The following IFI16 variants were observed in gnomAD, a reference collection of about 807,000 sequenced individuals.
IFI16 encodes gamma-interferon-inducible protein 16.
Under a neutral mutation model 68.4 loss-of-function variants are expected in IFI16, and 49 were observed. The observed-to-expected ratio is 0.72, with a 90% CI of 0.57 to 0.91. IFI16 has a LOEUF of 0.91. Among genes scored for constraint, IFI16 ranks in the 40% least tolerant of loss-of-function variants. IFI16 has a pLI of 0.00. For synonymous variants in IFI16, 307 were observed against 315.0 expected, an observed-to-expected ratio of 0.97 and a Z score of 0.27; for missense variants, 878 against 942.9, an observed-to-expected ratio of 0.93 and a Z score of 0.90.
At position 159,053,577 on chromosome 1, in the gene IFI16, T is replaced by C; in HGVS notation, c.2130T>C (p.Asn710=). Residue 710 remains asparagine, a synonymous_variant, in exon 11 of 12, where the codon AAT becomes AAC. Coordinates refer to ENST00000295809, the MANE Select transcript of IFI16 (RefSeq NM_001376587.1). Reference sequence around the variant, plus strand: ...TCACTTATTATGAAATACAAGATAATACAGGGAAGATGGAAGTGGTGGTGC... The same window carrying C: ...TCACTTATTATGAAATACAAGATAACACAGGGAAGATGGAAGTGGTGGTGC... ...GEFTYYEIQD[N]TGKMEVVVHG... is the part of the protein sequence containing the mutation. 3 of 1,613,354 alleles carry C rather than the reference T, an allele frequency of 1.9e-6. No individual in the cohort carries two copies. The highest frequency in any genetic ancestry group is 1.7e-5 in the Admixed American group (1 of 60,006).
At chr1:159,053,797 G>C (rs1363889880) in intron 11 of IFI16, 73 bp downstream of exon 11, 1 of 1,157,502 alleles carries the variant, frequency 8.6e-7, no homozygotes, top group Non-Finnish European at 1.3e-6. Context: ...AGACTAGACT[G>C]CTACTATTAC....
chr1:159,015,572 C>A (rs1413416942), intron 2 of IFI16: 1 of 214,800 alleles, frequency 4.7e-6, no homozygotes, highest in Non-Finnish European at 9.3e-6. Flanking sequence ...CGGAGAACCG[C>A]ATTGGGAAAG....
At chr1:159,045,867 C>T (rs1379885547) in intron 8 of IFI16, among the ~76,000 whole-genome samples, 1 of 151,038 alleles carries the variant, frequency 6.6e-6, no homozygotes, top group Admixed American at 6.6e-5. Flanking sequence ...AAAGAAGGTA[C>T]ATAAGCAAAA....
chr1:159,038,357 A>G (rs1039988024), intron 7 of IFI16, among the ~76,000 whole-genome samples: 5 of 152,076 alleles, frequency 3.3e-5, no homozygotes, highest in Non-Finnish European at 5.9e-5. Context: ...AGAGAAATAT[A>G]TTTTATAGAC....
chr1:159,051,586 G>A, intron 9 of IFI16, 93 bp from the exon 10 acceptor site: 1 of 950,870 alleles, frequency 1.1e-6, no homozygotes, highest in Non-Finnish European at 1.6e-6. Context: ...TGATACTTGA[G>A]GACCAACACT....
At chr1:159,034,149 G>T (rs1185172187) in intron 7 of IFI16, among the ~76,000 whole-genome samples, 1 of 152,208 alleles carries the variant, frequency 6.6e-6, no homozygotes, top group Non-Finnish European at 1.5e-5. Flanking sequence ...ATCTGGAATT[G>T]TGGATTTTAA....
chr1:159,033,903 C>T (rs1654162227), intron 7 of IFI16, among the ~76,000 whole-genome samples: 1 of 152,102 alleles, frequency 6.6e-6, no homozygotes, highest in Non-Finnish European at 1.5e-5. Flanking sequence ...TATTAAATAT[C>T]TGAATGACAG....
At chr1:159,003,015 C>G (rs1652116337), upstream of IFI16, among the ~76,000 whole-genome samples, 1 of 152,174 alleles carries the variant, frequency 6.6e-6, no homozygotes. Context: ...AGAATGATTT[C>G]AAAAGACAGC....
intron 7 of IFI16, among the ~76,000 whole-genome samples, chr1:159,035,083 C>T (rs1319583166): frequency 6.6e-6 from 1 of 152,164 alleles, no homozygotes; most frequent in Non-Finnish European, 1.5e-5. Flanking sequence ...TGTATTCTGA[C>T]CCAGCAGCAG....
intron 6 of IFI16, among the ~76,000 whole-genome samples, chr1:159,030,823 C>G (rs1305976952): frequency 6.7e-6 from 1 of 148,584 alleles, no homozygotes; most frequent in South Asian, 2.1e-4. Context: ...AGGGAGGATA[C>G]AAGCTTGCCC....
intron 1 of IFI16, among the ~76,000 whole-genome samples, chr1:159,011,410 G>T (rs906006325): frequency 6.6e-6 from 1 of 150,880 alleles, no homozygotes; most frequent in African/African-American, 2.4e-5. Context: ...TTTTTTCTTT[G>T]TAGTGCTCTC....
intron 6 of IFI16, among the ~76,000 whole-genome samples, chr1:159,031,959 G>T (rs747443678): frequency 3.9e-5 from 6 of 152,058 alleles, no homozygotes; most frequent in Admixed American, 6.5e-5. Context: ...TCCTGATATT[G>T]GGAAAAATAG....
upstream of IFI16, among the ~76,000 whole-genome samples, chr1:159,004,903 A>C (rs1052855706): frequency 2.0e-5 from 3 of 152,238 alleles, no homozygotes; most frequent in Non-Finnish European, 4.4e-5. Context: ...TAGATAAAAT[A>C]AGCAAATAAA....
intron 9 of IFI16, among the ~76,000 whole-genome samples, chr1:159,051,313 G>T (rs565893606): frequency 6.6e-6 from 1 of 152,210 alleles, no homozygotes; most frequent in East Asian, 1.9e-4. Context: ...GTAAAACTGA[G>T]ATTCTTCTAA....
At chr1:159,052,639 T>C (rs1380401395) in intron 10 of IFI16, 1 of 152,776 alleles carries the variant, frequency 6.5e-6, no homozygotes, top group African/African-American at 2.4e-5. Context: ...ATTCATTAAT[T>C]CATCAGGAGA....
intron 7 of IFI16, among the ~76,000 whole-genome samples, chr1:159,036,172 G>A (rs1654321127): frequency 1.3e-5 from 2 of 152,142 alleles, no homozygotes; most frequent in African/African-American, 4.8e-5. Flanking sequence ...CACTTACTAG[G>A]TGCTGGTTTT....
intron 6 of IFI16, among the ~76,000 whole-genome samples, chr1:159,027,860 A>G (rs1283499027): frequency 6.6e-6 from 1 of 152,064 alleles, no homozygotes; most frequent in Non-Finnish European, 1.5e-5. Flanking sequence ...TGTAATATTT[A>G]TCATTTTGTT....
chr1:159,004,695 GA>G (rs1008741715), upstream of IFI16, among the ~76,000 whole-genome samples: 8 of 151,860 alleles, frequency 5.3e-5, no homozygotes, highest in Admixed American at 1.3e-4. Flanking sequence ...CGTCTCAAAA[GA>G]AAAAAAATTC....
chr1:159,011,293 A>G (rs1439094826), intron 1 of IFI16, among the ~76,000 whole-genome samples: 3 of 151,994 alleles, frequency 2.0e-5, no homozygotes, highest in African/African-American at 7.3e-5. Context: ...CTGAGGCAGG[A>G]GAATCGCTTG....
Sources: gnomAD v4.1 joint callset for allele counts (sites outside exome capture counted in the v4.1 genomes callset) on GRCh38, gnomAD v4.1.1 for gene constraint, MANE v1.5 for transcripts, NCBI Gene and HGNC (gene_info 2026-07-23, HGNC 2026-07-21) for gene names.